Variants in DCDC2B observed in about 807,000 individuals in gnomAD.
DCDC2B encodes doublecortin domain-containing protein 2B.
A neutral mutation model predicts 38.9 loss-of-function variants in DCDC2B; 41 were observed. The ratio of observed to expected loss-of-function variants is 1.05; its 90% confidence interval spans 0.82 to 1.37. DCDC2B has a LOEUF of 1.37. Among genes scored for constraint, DCDC2B ranks in the 40% most tolerant of loss-of-function variants. The pLI, the probability that DCDC2B is intolerant of heterozygous loss-of-function variation, is 0.00. For missense variants in DCDC2B, 453 were observed against 427.2 expected, an observed-to-expected ratio of 1.06 and a Z score of -0.53; for synonymous variants, 181 against 171.9, an observed-to-expected ratio of 1.05 and a Z score of -0.41.
Position 32,215,940 on chromosome 1 carries a change from C to T in DCDC2B, c.*43C>T, listed in dbSNP as rs1438417893. Reference sequence around the variant, plus strand: ...GGGCAACTGGGGACCACTACTCTGGCCACCTTTTGTCCTTAGCCTCCAGCA... The same window carrying T: ...GGGCAACTGGGGACCACTACTCTGGTCACCTTTTGTCCTTAGCCTCCAGCA... On this transcript the variant is annotated 3_prime_UTR_variant, in exon 9 of 9. Transcript: ENST00000409358. The T allele has an allele frequency of 2.7e-6, 4 of 1,467,726 alleles. No homozygotes were observed. The African/African-American group carries it at 4.2e-5, about 15-fold the overall frequency. The allele number at this position is 1,467,726 out of a possible 1,614,324, so 90.9% of individuals were successfully genotyped here. A position where few individuals can be genotyped will look rare whatever the true frequency, so the allele number is the denominator to read the frequency against.
chr1:32,211,574 G>C (rs902647349), intron 2 of DCDC2B, among the ~76,000 whole-genome samples, 187 bp from the exon 3 acceptor site: 27 of 152,182 alleles, frequency 1.8e-4, no homozygotes, highest in Non-Finnish European at 3.7e-4. Context: ...TTGGGGGAGG[G>C]GGTGGTTAGA....
chr1:32,213,191 C>T (rs1234549733), intron 6 of DCDC2B, among the ~76,000 whole-genome samples: 1 of 149,682 alleles, frequency 6.7e-6, no homozygotes, highest in Non-Finnish European at 1.5e-5. Flanking sequence ...CCACCGTGCC[C>T]GGCCTCCTTT....
In DCDC2B at chr1:32,211,851, T is replaced by C; in HGVS notation, c.395+14T>C. The C allele has an allele frequency of 6.2e-7, 1 of 1,602,104 alleles. No homozygotes were observed. The highest frequency in any genetic ancestry group is 8.5e-7 in the Non-Finnish European group (1 of 1,174,420). Reference sequence around the variant, plus strand: ...CAGCTATATCCAGTGAGTGCCAGTGTGAGGGAGCAGGGGTGTTGATGTTTG... The same window carrying C: ...CAGCTATATCCAGTGAGTGCCAGTGCGAGGGAGCAGGGGTGTTGATGTTTG... On this transcript the variant is annotated intron_variant, in intron 3 of 8. Transcript: ENST00000409358.
At chr1:32,213,956 T>C (rs1023614827) in intron 6 of DCDC2B, among the ~76,000 whole-genome samples, 1 of 151,714 alleles carries the variant, frequency 6.6e-6, no homozygotes, top group Admixed American at 6.6e-5. Flanking sequence ...CTGGCCACTC[T>C]TAATAATCTT....
rs762245396 is a variant in DCDC2B, at chr1:32,209,223, A to G, written c.130A>G (p.Thr44Ala). 2 of 1,614,002 alleles carry G rather than the reference A, an allele frequency of 1.2e-6. No homozygotes were observed. Among genetic ancestry groups the G allele is most frequent in the Admixed American group, 3.3e-5 (2 of 60,026 alleles). Residue 44 changes from threonine (T) to alanine (A), a missense_variant, in exon 1 of 9, where the codon ACA becomes GCA. Coordinates refer to ENST00000409358, the MANE Select transcript of DCDC2B (RefSeq NM_001099434.2). ...PTMEAFLCEV[T>A]SAVQAPLAVR... ...CATGGAGGCCTTCCTCTGCGAGGTG[A>G]CATCAGCTGTGCAGGCCCCACTGGC...
rs1232341704 is a variant in DCDC2B at position 32,215,872 on chromosome 1, C to T, written c.1025C>T (p.Ala342Val). ...CCTGGGGCTGGGGCTGCTATCTCAG[C>T]CTCAGCCCCAGCTCTGCCATCTTGA... ...NQPGAGAAIS[A>V]SAPALPS Residue 342 changes from alanine (A) to valine (V), a missense_variant, in exon 9 of 9, where the codon GCC becomes GTC. By Grantham distance (64) the Ala-to-Val change is moderately conservative. Transcript: ENST00000409358. The T allele has an allele frequency of 1.3e-6, 2 of 1,551,306 alleles. No homozygotes were observed. Among genetic ancestry groups the T allele is most frequent in the Admixed American group, 2.0e-5 (1 of 51,006 alleles).
chr1:32,213,309 C>A (rs1250828260), intron 6 of DCDC2B, among the ~76,000 whole-genome samples: 1 of 151,602 alleles, frequency 6.6e-6, no homozygotes, highest in Non-Finnish European at 1.5e-5. Flanking sequence ...TGTGATTACA[C>A]TATGCCCAGC....
In DCDC2B at chr1:32,215,528, G is replaced by C. The variant is rs142243330; in HGVS notation, c.939G>C (p.Glu313Asp). ...EVADDEDTQTEEPLDQRAAQI... is the reference protein window; with the variant it reads ...EVADDEDTQTDEPLDQRAAQI... ...CAGATGATGAAGACACTCAGACAGA[G>C]GAGCCCTTGGATCAGGTAAGCTGTT... is the stretch of plus-strand genomic sequence containing the variant. Residue 313 changes from glutamate (E) to aspartate (D), a missense_variant, in exon 8 of 9, where the codon GAG becomes GAC. Coordinates refer to ENST00000409358, the MANE Select transcript of DCDC2B (RefSeq NM_001099434.2). 1.0e-3 allele frequency: 1,638 copies of C among 1,613,576 alleles called. 3 individuals carry two copies. The highest frequency in any genetic ancestry group is 1.2e-3 in the Non-Finnish European group (1,466 of 1,179,702).
chr1:32,209,252 GC>G lies in DCDC2B; in HGVS notation c.160del (p.Arg54ValfsTer18). ...CAGCTGTGCAGGCCCCACTGGCTGT[GC>G]GTGCCCTCTACACACCTTGTCATGG... The part of the protein sequence containing the change: ...TSAVQAPLAV[R>X]ALYTPCHGHP... On this transcript the variant is annotated frameshift_variant, in exon 1 of 9. Transcript: ENST00000409358. LOFTEE classifies it high-confidence loss of function. 6.2e-7 allele frequency: 1 copy of G among 1,614,020 alleles called. No individual in the cohort carries two copies. The highest frequency in any genetic ancestry group is 1.1e-5 in the South Asian group (1 of 91,086).
rs762336976 is a variant in DCDC2B at position 32,212,655 on chromosome 1, G to A, written c.674+19G>A. On this transcript the variant is annotated intron_variant, in intron 5 of 8. Transcript: ENST00000409358. The stretch of plus-strand genomic sequence containing the variant: ...GCTGCTGGTATGTATGTGGGAGGTG[G>A]AGCGGTAACAGGCCGGGCAGAGGAA... The A allele has an allele frequency of 1.9e-5, 31 of 1,613,506 alleles. No individual in the cohort carries two copies. The highest frequency in any genetic ancestry group is 1.1e-4 in the East Asian group (5 of 44,852).
chr1:32,209,508 A>AAAC, intron 1 of DCDC2B, 149 bp downstream of exon 1: 3 of 1,112,646 alleles, frequency 2.7e-6, no homozygotes, highest in Non-Finnish European at 2.5e-6. Context: ...TAGAAAGGGA[A>AAAC]AACAGACAGA....
rs1569755072 is a variant in DCDC2B at position 32,212,323 on chromosome 1, A to G, written c.527+122A>G. 27 of 1,534,568 alleles carry G rather than the reference A, an allele frequency of 1.8e-5. No individual in the cohort carries two copies. In the East Asian group the frequency reaches 2.5e-4, roughly 14 times the overall value. ...GTTCCCCCACATGGGACTTCCCCCT[A>G]TGCCACTGGGAGAGGGCCCTCTGCC... On this transcript the variant is annotated intron_variant, in intron 4 of 8. Transcript: ENST00000409358.
chr1:32,209,404 C>A, intron 1 of DCDC2B, 45 bp downstream of exon 1: 10 of 1,601,580 alleles, frequency 6.2e-6, no homozygotes, highest in Non-Finnish European at 8.5e-6. Flanking sequence ...AGGGAGGTAA[C>A]GGCAAGAGCG....
rs1638357854 is a variant in DCDC2B, at chr1:32,216,036, T to A, written c.*139T>A. 1 of 786,874 alleles carries A rather than the reference T, an allele frequency of 1.3e-6. No homozygotes were observed. 48.7% of individuals were successfully genotyped at this position (786,874 alleles called of 1,614,324 possible). On this transcript the variant is annotated 3_prime_UTR_variant, in exon 9 of 9. Coordinates refer to ENST00000409358, the MANE Select transcript of DCDC2B (RefSeq NM_001099434.2). ...ACTGCGGCCTCCTCAGCCCTCCCCGTTCTCCTGCTCCTAAACCCACAGCCC... is the reference window on the plus strand; with the variant it reads ...ACTGCGGCCTCCTCAGCCCTCCCCGATCTCCTGCTCCTAAACCCACAGCCC...
chr1:32,212,858 G>A, intron 6 of DCDC2B, 65 bp downstream of exon 6: 1 of 1,562,606 alleles, frequency 6.4e-7, no homozygotes, highest in Non-Finnish European at 8.8e-7. Flanking sequence ...AACTCTTCTG[G>A]CACAGGCTCT....
chr1:32,215,164 G>A (rs1004657952), intron 7 of DCDC2B: 14 of 622,370 alleles, frequency 2.2e-5, no homozygotes, highest in Admixed American at 1.7e-4. Flanking sequence ...AGCTGCCCCC[G>A]TCTGTATATC....
intron 2 of DCDC2B, 107 bp downstream of exon 2, chr1:32,211,430 C>T (rs1338777510): frequency 8.7e-7 from 1 of 1,151,742 alleles, no homozygotes; most frequent in Non-Finnish European, 1.3e-6. Context: ...TCTGCCAGTT[C>T]CAGGGGGGTA....
Position 32,211,314 on chromosome 1 carries a change from C to G in DCDC2B, c.309C>G (p.Cys103Trp), listed in dbSNP as rs771081630. 7 of 1,613,906 alleles carry G rather than the reference C, an allele frequency of 4.3e-6. No individual in the cohort carries two copies. Among genetic ancestry groups the G allele is most frequent in the Non-Finnish European group, 5.1e-6 (6 of 1,179,858 alleles). ...GGAAGGACCCAGGTGGGAAGAGCTG[C>G]AGACTACAAGTGAGTCCCGGGGAAC... ...HRGKDPGGKSCRLQGPPVTRH... is the reference protein window; with the variant it reads ...HRGKDPGGKSWRLQGPPVTRH... Residue 103 changes from cysteine to tryptophan, a missense_variant, in exon 2 of 9, where the codon TGC becomes TGG. Transcript: ENST00000409358.
chr1:32,209,361 T>C lies in DCDC2B; in HGVS notation c.266+2T>C. The C allele has an allele frequency of 6.2e-7, 1 of 1,613,488 alleles. No individual in the cohort carries two copies. The highest frequency in any genetic ancestry group is 8.5e-7 in the Non-Finnish European group (1 of 1,179,624). ...ATTTGAACGATTCCACAAGCTCCAG[T>C]GAGTGGGCTGGGGCTGGTCAAACAG... On this transcript the variant is annotated splice_donor_variant, in intron 1 of 8. Transcript: ENST00000409358. LOFTEE classifies it high-confidence loss of function.
Sources: gnomAD v4.1 joint callset for allele counts (sites outside exome capture counted in the v4.1 genomes callset) on GRCh38, gnomAD v4.1.1 for gene constraint, MANE v1.5 for transcripts, NCBI Gene and HGNC (gene_info 2026-07-23, HGNC 2026-07-21) for gene names.